SSBP1: variants seen among roughly 807,000 people sequenced by gnomAD.
SSBP1 encodes single-stranded DNA-binding protein, mitochondrial.
SSBP1 carries 20 observed loss-of-function variants against 27.0 expected under a neutral mutation model. The observed-to-expected ratio is 0.74, with a 90% CI of 0.52 to 1.08. The LOEUF (loss-of-function observed/expected upper bound fraction) is 1.08. Ranked by LOEUF, SSBP1 falls within the 50% of genes least tolerant of loss-of-function variation. The pLI is 0.00. For synonymous variants in SSBP1, 59 were observed against 59.3 expected, an observed-to-expected ratio of 1.00 and a Z score of 0.02; for missense variants, 137 against 182.4, an observed-to-expected ratio of 0.75 and a Z score of 1.44.
Position 141,750,299 on chromosome 7 carries a change from G to C in SSBP1, c.404-12G>C. 1 of 1,575,772 alleles carries C rather than the reference G, an allele frequency of 6.3e-7. No homozygotes were observed. The highest frequency in any genetic ancestry group is 8.7e-7 in the Non-Finnish European group (1 of 1,154,632). The stretch of plus-strand genomic sequence containing the variant: ...TTCTGAAATTAATATTTACATTTTG[G>C]CTTTTTTACAGATAATATTATATTT... On this transcript the variant is annotated splice_polypyrimidine_tract_variant and intron_variant, in intron 6 of 6. Coordinates refer to ENST00000265304, the MANE Select transcript of SSBP1 (RefSeq NM_003143.3).
intron 6 of SSBP1, chr7:141,745,990 A>G: frequency 1.0e-6 from 1 of 992,390 alleles, no homozygotes; most frequent in Non-Finnish European, 1.2e-6. Flanking sequence ...GGTACTTAGT[A>G]TGTGAAATTT....
At chr7:141,745,759 C>T (rs561569246) in intron 6 of SSBP1, 175 bp downstream of exon 6, 6 of 1,341,102 alleles carry the variant, frequency 4.5e-6, no homozygotes, top group Non-Finnish European at 4.8e-6. Context: ...GTACATTTAT[C>T]CCTTCCTTTA....
intron 6 of SSBP1, among the ~76,000 whole-genome samples, chr7:141,749,305 A>T (rs1799889448): frequency 6.6e-6 from 1 of 152,198 alleles, no homozygotes. Context: ...TGGTATCTAT[A>T]GGGGTCCTGG....
intron 3 of SSBP1, among the ~76,000 whole-genome samples, chr7:141,743,018 C>T (rs1405417879): frequency 2.6e-5 from 4 of 152,210 alleles, no homozygotes; most frequent in Admixed American, 6.5e-5. Context: ...CCACGCCCAG[C>T]TAATTTTTTG....
chr7:141,743,075 T>A (rs529974822), intron 3 of SSBP1, among the ~76,000 whole-genome samples: 5 of 152,010 alleles, frequency 3.3e-5, no homozygotes, highest in Non-Finnish European at 5.9e-5. Flanking sequence ...GCATGGTCTC[T>A]CTCTCCTGAC....
At chr7:141,746,273 G>C (rs984890779) in intron 6 of SSBP1, 4 of 152,178 alleles carry the variant, frequency 2.6e-5, no homozygotes, top group Non-Finnish European at 4.4e-5. Flanking sequence ...CATCCACCTC[G>C]GCCTCCCAAA....
In SSBP1 at chr7:141,744,182, T is replaced by C. The variant is rs183854534; in HGVS notation, c.314+193T>C. ...GCCATGTGTGACTAATTTGAAGATA[T>C]ATAAAACATAGTTTTAGCTTTCTAA... On this transcript the variant is annotated intron_variant, in intron 5 of 6. Transcript: ENST00000265304. 7.1e-4 allele frequency among the ~76,000 whole-genome samples: 108 copies of C among 152,370 alleles called. 2 individuals carry two copies. In the East Asian group the frequency reaches 0.013, roughly 18 times the overall value.
rs754387183 is a variant in SSBP1 at position 141,743,952 on chromosome 7, G to C, written c.277G>C (p.Gly93Arg). The C allele has an allele frequency of 1.9e-6, 3 of 1,613,316 alleles. No individual in the cohort carries two copies. The highest frequency in any genetic ancestry group is 2.5e-6 in the Non-Finnish European group (3 of 1,179,992). Reference protein sequence around the residue: ...TWHRISVFRPGLRDVAYQYVK... With the variant: ...TWHRISVFRPRLRDVAYQYVK... ...GCACAGAATATCAGTATTCCGGCCA[G>C]GCCTCAGAGACGTGGCATATCAATA... The change falls in exon 5 of 7, where the codon GGC becomes CGC. Residue 93 changes from glycine to arginine, a missense_variant. Gly to Arg is a moderately radical substitution (Grantham distance 125). Coordinates refer to ENST00000265304, the MANE Select transcript of SSBP1 (RefSeq NM_003143.3).
At chr7:141,739,639 T>C (rs952110107) in intron 2 of SSBP1, 1 of 153,516 alleles carries the variant, frequency 6.5e-6, no homozygotes, top group African/African-American at 2.4e-5. Context: ...TTTCACTATG[T>C]AGAAAATGCC....
chr7:141,743,709 C>T lies in SSBP1; in HGVS notation c.226+8C>T. 6.2e-7 allele frequency: 1 copy of T among 1,612,824 alleles called. No homozygotes were observed. The highest frequency in any genetic ancestry group is 8.5e-7 in the Non-Finnish European group (1 of 1,179,452). The stretch of plus-strand genomic sequence containing the variant: ...GTGAAGTTTACCAACTGGGTGAGTA[C>T]AAAAGACTGGGGTTTTAATTTTATC... On this transcript the variant is annotated splice_region_variant and intron_variant, in intron 4 of 6. Transcript: ENST00000265304.
chr7:141,742,918 G>C (rs927428705), intron 3 of SSBP1, among the ~76,000 whole-genome samples: 1 of 152,052 alleles, frequency 6.6e-6, no homozygotes, highest in African/African-American at 2.4e-5. Flanking sequence ...GCAGTGGCGC[G>C]GTCTCCGCTC....
In SSBP1 at chr7:141,743,553, T is replaced by G; in HGVS notation, c.86-8T>G. The G allele has an allele frequency of 6.2e-7, 1 of 1,613,614 alleles. No individual in the cohort carries two copies. Among genetic ancestry groups the G allele is most frequent in the Non-Finnish European group, 8.5e-7 (1 of 1,179,778 alleles). ...GTTGTCTCATTTGGTCTTGATGTTG[T>G]GTTTCAGCCCTGAATCGTGTGCACT... is the stretch of plus-strand genomic sequence containing the variant. On this transcript the variant is annotated splice_polypyrimidine_tract_variant and splice_region_variant and intron_variant, in intron 3 of 6. Coordinates refer to ENST00000265304, the MANE Select transcript of SSBP1 (RefSeq NM_003143.3).
Position 141,743,719 on chromosome 7 carries a change from G to T in SSBP1, c.226+18G>T, listed in dbSNP as rs1799659572. ...CCAACTGGGTGAGTACAAAAGACTGGGGTTTTAATTTTATCAGCAATAAAT... is the reference window on the plus strand; with the variant it reads ...CCAACTGGGTGAGTACAAAAGACTGTGGTTTTAATTTTATCAGCAATAAAT... On this transcript the variant is annotated intron_variant, in intron 4 of 6. Coordinates refer to ENST00000265304, the MANE Select transcript of SSBP1 (RefSeq NM_003143.3). 1 of 1,609,612 alleles carries T rather than the reference G, an allele frequency of 6.2e-7. No homozygotes were observed. The highest frequency in any genetic ancestry group is 1.3e-5 in the African/African-American group (1 of 74,710).
rs1366722653 is a variant in SSBP1 at position 141,742,021 on chromosome 7, T to C, written c.25-148T>C. On this transcript the variant is annotated intron_variant, in intron 2 of 6. Coordinates refer to ENST00000265304, the MANE Select transcript of SSBP1 (RefSeq NM_003143.3). ...TGTTTGCCGGGGCCTTCTGGCACTC[T>C]GTTGGGAGAACATGAGAAGAGCTTC... The C allele has an allele frequency of 3.8e-5, 24 of 637,658 alleles. No homozygotes were observed. In the East Asian group the frequency reaches 6.4e-4, roughly 17 times the overall value. 39.5% of individuals were successfully genotyped at this position (637,658 alleles called of 1,614,324 possible).
chr7:141,742,106 C>G, intron 2 of SSBP1, 63 bp from the exon 3 acceptor site: 2 of 1,239,260 alleles, frequency 1.6e-6, no homozygotes, highest in Non-Finnish European at 2.4e-6. Context: ...GTGAGTAATT[C>G]TTCTGTTTGC....
chr7:141,739,191 G>T lies in SSBP1; in HGVS notation c.24+1G>T. 1 of 1,600,638 alleles carries T rather than the reference G, an allele frequency of 6.2e-7. No individual in the cohort carries two copies. Among genetic ancestry groups the T allele is most frequent in the Admixed American group, 1.7e-5 (1 of 58,060 alleles). The stretch of plus-strand genomic sequence containing the variant: ...CATGTTTCGAAGACCTGTATTACAG[G>T]TAGTCACTTGTCTGTATTAATACTG... On this transcript the variant is annotated splice_donor_variant, in intron 2 of 6. Coordinates refer to ENST00000265304, the MANE Select transcript of SSBP1 (RefSeq NM_003143.3). LOFTEE classifies it high-confidence loss of function.
chr7:141,743,091 G>T (rs2117173674), intron 3 of SSBP1, among the ~76,000 whole-genome samples: 1 of 152,304 alleles, frequency 6.6e-6, no homozygotes, highest in East Asian at 1.9e-4. Flanking sequence ...CTGACCTTGT[G>T]ATCCGCCCGC....
chr7:141,743,856 G>T, intron 4 of SSBP1, 46 bp from the exon 5 acceptor site: 1 of 1,581,954 alleles, frequency 6.3e-7, no homozygotes, highest in Non-Finnish European at 8.6e-7. Flanking sequence ...TCCTGGGCAT[G>T]TTGTCTGTTG....
chr7:141,742,086 G>C, intron 2 of SSBP1, 83 bp from the exon 3 acceptor site: 2 of 1,012,334 alleles, frequency 2.0e-6, no homozygotes, highest in Non-Finnish European at 3.1e-6. Context: ...TGACTATATG[G>C]TGAATGAACG....
Sources: gnomAD v4.1 joint callset for allele counts (sites outside exome capture counted in the v4.1 genomes callset) on GRCh38, gnomAD v4.1.1 for gene constraint, MANE v1.5 for transcripts, NCBI Gene and HGNC (gene_info 2026-07-23, HGNC 2026-07-21) for gene names.